The following GALNT13 variants were observed in gnomAD, a reference collection of about 807,000 sequenced individuals.
The protein encoded by GALNT13 is polypeptide N-acetylgalactosaminyltransferase 13, also known as UDP-GalNAc:polypeptide N-acetylgalactosaminyltransferase 13.
Under a neutral mutation model 64.2 loss-of-function variants are expected in GALNT13, and 28 were observed. The observed-to-expected ratio is 0.44, with a 90% CI of 0.32 to 0.60. GALNT13 has a LOEUF of 0.60. Among genes scored for constraint, GALNT13 ranks in the 20% least tolerant of loss-of-function variants. GALNT13 has a pLI of 0.05. For synonymous variants in GALNT13, 214 were observed against 224.6 expected (o/e 0.95, Z 0.42); for missense variants, 577 against 669.8 (o/e 0.86, Z 1.53).
intron 3 of GALNT13, among the ~76,000 whole-genome samples, chr2:154,128,134 T>G (rs1217696560): frequency 2.0e-5 from 3 of 152,028 alleles, no homozygotes; most frequent in Admixed American, 6.6e-5. Context: ...TGATGAGTTG[T>G]GAGAAAGAGT....
At chr2:153,422,426 G>A in the GALNT13 span, among the ~76,000 whole-genome samples, 3 of 152,140 alleles carry the variant, frequency 2.0e-5, no homozygotes, top group South Asian at 2.1e-4. Flanking sequence ...AGTTCAAGGG[G>A]TACATGGTTT....
At chr2:154,144,152 A>C (rs1683431057) in intron 4 of GALNT13, among the ~76,000 whole-genome samples, 1 of 152,252 alleles carries the variant, frequency 6.6e-6, no homozygotes, top group African/African-American at 2.4e-5. Context: ...TATATGTTAT[A>C]AGTAAGAAAA....
the GALNT13 span, among the ~76,000 whole-genome samples, chr2:153,333,455 A>G: frequency 4.5e-4 from 69 of 152,292 alleles, no homozygotes; most frequent in African/African-American, 1.6e-3. Context: ...GTCCTTCACA[A>G]TTCTGTGAAG....
the GALNT13 span, among the ~76,000 whole-genome samples, chr2:153,664,936 T>C: frequency 6.6e-6 from 1 of 152,184 alleles, no homozygotes; most frequent in African/African-American, 2.4e-5. Flanking sequence ...ATGAAATAGT[T>C]ATTATTTTAT....
the GALNT13 span, among the ~76,000 whole-genome samples, chr2:153,491,390 A>G: frequency 6.6e-6 from 1 of 152,054 alleles, no homozygotes; most frequent in Admixed American, 6.6e-5. Flanking sequence ...TAGTAAAGAC[A>G]TTAATTAGAT....
At chr2:154,258,587 C>G (rs1267211303) in intron 7 of GALNT13, among the ~76,000 whole-genome samples, 3 of 151,544 alleles carry the variant, frequency 2.0e-5, no homozygotes, top group Admixed American at 1.3e-4. Flanking sequence ...GGCTATGGAT[C>G]TTTTCATAGT....
At chr2:153,488,500 C>T in the GALNT13 span, among the ~76,000 whole-genome samples, 1 of 152,144 alleles carries the variant, frequency 6.6e-6, no homozygotes, top group Non-Finnish European at 1.5e-5. Flanking sequence ...TAATAGTCAC[C>T]AGCCACCTCT....
chr2:154,126,310 A>G (rs1053049768), intron 3 of GALNT13, among the ~76,000 whole-genome samples: 1 of 152,320 alleles, frequency 6.6e-6, no homozygotes, highest in East Asian at 1.9e-4. Flanking sequence ...GTGCCAAACA[A>G]TTCTATATTC....
chr2:153,879,633 A>G (rs771237156), intron 1 of GALNT13, among the ~76,000 whole-genome samples: 25 of 151,670 alleles, frequency 1.6e-4, no homozygotes, highest in South Asian at 1.0e-3. Context: ...TCAGCCTCCC[A>G]ATGTACTGGG....
intron 4 of GALNT13, among the ~76,000 whole-genome samples, chr2:154,154,490 T>C (rs1488756454): frequency 6.6e-6 from 1 of 152,158 alleles, no homozygotes; most frequent in Non-Finnish European, 1.5e-5. Flanking sequence ...ATGGAAATGA[T>C]ATTTAGGAAG....
the GALNT13 span, among the ~76,000 whole-genome samples, chr2:153,174,467 ATTTTTT>A: frequency 2.2e-5 from 3 of 136,590 alleles, no homozygotes; most frequent in Non-Finnish European, 4.8e-5. Flanking sequence ...CACATTTTCT[ATTTTTT>A]TTTTTTTTTT....
At chr2:153,495,747 CAGTG>C in the GALNT13 span, among the ~76,000 whole-genome samples, 2 of 151,638 alleles carry the variant, frequency 1.3e-5, no homozygotes, top group African/African-American at 4.9e-5. Flanking sequence ...GTTTCTGAAA[CAGTG>C]GGGAGGGAAT....
the GALNT13 span, among the ~76,000 whole-genome samples, chr2:153,828,523 C>A: frequency 6.6e-6 from 1 of 152,160 alleles, no homozygotes; most frequent in African/African-American, 2.4e-5. Flanking sequence ...GTAGCCACGG[C>A]TGGAGTGGCT....
At chr2:153,163,879 G>A in the GALNT13 span, among the ~76,000 whole-genome samples, 2 of 151,924 alleles carry the variant, frequency 1.3e-5, no homozygotes, top group Non-Finnish European at 2.9e-5. Context: ...TTGGCCGGGC[G>A]TGGTGGCGGG....
the GALNT13 span, among the ~76,000 whole-genome samples, chr2:153,786,414 G>A: frequency 3.3e-5 from 5 of 152,016 alleles, 1 homozygote; most frequent in South Asian, 6.2e-4. Flanking sequence ...CACCCTACAC[G>A]GCTGAGCATA....
At chr2:153,378,304 ATAGATAAT>A in the GALNT13 span, among the ~76,000 whole-genome samples, 727 of 106,488 alleles carry the variant, frequency 6.8e-3, 5 homozygotes, top group African/African-American at 0.025. Context: ...AGATAGATAG[ATAGATAAT>A]TTTTTTTTTT....
intron 4 of GALNT13, among the ~76,000 whole-genome samples, chr2:154,153,367 C>T (rs1275331907): frequency 2.6e-5 from 4 of 152,128 alleles, no homozygotes; most frequent in East Asian, 3.9e-4. Context: ...TTAGGCTGCT[C>T]GGGGGTCAGG....
chr2:153,219,177 G>A, the GALNT13 span, among the ~76,000 whole-genome samples: 1 of 152,164 alleles, frequency 6.6e-6, no homozygotes, highest in Non-Finnish European at 1.5e-5. Flanking sequence ...TACCAATTTA[G>A]TCATGTTCTC....
intron 11 of GALNT13, among the ~76,000 whole-genome samples, chr2:154,421,661 C>CT (rs1026651362): frequency 3.2e-4 from 48 of 151,954 alleles, no homozygotes; most frequent in African/African-American, 1.2e-3. Context: ...ATGTCTAATA[C>CT]TTTTTTCTTT....
Sources: allele counts gnomAD v4.1 joint callset (sites outside exome capture counted in the v4.1 genomes callset), GRCh38; gene constraint gnomAD v4.1.1; transcripts MANE v1.5; gene names NCBI Gene and HGNC (gene_info 2026-07-23, HGNC 2026-07-21).